OAS1: variants seen among roughly 807,000 people sequenced by gnomAD.
OAS1 encodes the protein 2'-5'-oligoadenylate synthase 1.
OAS1 carries 24 observed loss-of-function variants against 38.5 expected under a neutral mutation model. The observed-to-expected ratio is 0.62, with a 90% CI of 0.45 to 0.88. The LOEUF (loss-of-function observed/expected upper bound fraction) is 0.88, where lower values mean the gene tolerates loss of function less well. Among genes scored for constraint, OAS1 ranks in the 40% least tolerant of loss-of-function variants. The probability of loss-of-function intolerance (pLI) is 0.00; values close to 1 mark genes in which losing one functional copy is unlikely to be tolerated. For synonymous variants in OAS1, 169 were observed against 193.9 expected, an observed-to-expected ratio of 0.87 and a Z score of 1.07; for missense variants, 482 against 493.9, an observed-to-expected ratio of 0.98 and a Z score of 0.23.
At chr12:112,914,508 G>C (rs1666570875) in intron 3 of OAS1, among the ~76,000 whole-genome samples, 1 of 152,126 alleles carries the variant, frequency 6.6e-6, no homozygotes, top group Non-Finnish European at 1.5e-5. Context: ...GTTCTATAAG[G>C]AATCTCCACA....
At chr12:112,925,433 A>G (rs2043552679) in intron 6 of OAS1, among the ~76,000 whole-genome samples, 1 of 152,128 alleles carries the variant, frequency 6.6e-6, no homozygotes, top group Non-Finnish European at 1.5e-5. Context: ...AGGGCTCTGG[A>G]GTCACACTGC....
chr12:112,913,513 C>G (rs1036022572), intron 3 of OAS1, among the ~76,000 whole-genome samples: 1 of 152,134 alleles, frequency 6.6e-6, no homozygotes, highest in Non-Finnish European at 1.5e-5. Context: ...TCTTTCATAT[C>G]TCTATACTCT....
chr12:112,924,818 G>A (rs2043549072), downstream of OAS1, among the ~76,000 whole-genome samples: 1 of 152,132 alleles, frequency 6.6e-6, no homozygotes, highest in African/African-American at 2.4e-5. Context: ...CTTTTGGGAA[G>A]TATTTCTCAC....
chr12:112,931,773 G>A, intron 6 of OAS1: 1 of 556,206 alleles, frequency 1.8e-6, no homozygotes, highest in South Asian at 2.7e-5. Context: ...AGGGTCTCCT[G>A]ACTGCCAGAG....
chr12:112,918,500 A>G, intron 5 of OAS1: 1 of 366,426 alleles, frequency 2.7e-6, no homozygotes, highest in Non-Finnish European at 5.6e-6. Context: ...CTTTGGGTAG[A>G]TACCGAGTAG....
intron 2 of OAS1, among the ~76,000 whole-genome samples, chr12:112,910,459 G>A (rs1282977324): frequency 6.6e-6 from 1 of 152,160 alleles, no homozygotes; most frequent in African/African-American, 2.4e-5. Flanking sequence ...AGCCATGGGG[G>A]TTAGGGAGCT....
At chr12:112,909,277 G>A (rs757398) in intron 2 of OAS1, among the ~76,000 whole-genome samples, 12,437 of 152,182 alleles carry the variant, frequency 0.082, 1,722 homozygotes, top group African/African-American at 0.28. Flanking sequence ...AGGAGAATTG[G>A]TAAAACCACA....
chr12:112,911,009 A>G (rs769644669), intron 2 of OAS1, 42 bp from the exon 3 acceptor site: 6 of 1,569,262 alleles, frequency 3.8e-6, no homozygotes, highest in Admixed American at 1.7e-5. Context: ...AAGGAAATTC[A>G]GAGAAGAGCT....
At chr12:112,907,286 GAGA>G in intron 1 of OAS1, 67 bp downstream of exon 1, 1 of 1,338,378 alleles carries the variant, frequency 7.5e-7, no homozygotes. Context: ...TTGAGAATGA[GAGA>G]GAGAGAGAGA....
chr12:112,923,156 C>A (rs1220073542), downstream of OAS1, among the ~76,000 whole-genome samples: 7 of 152,176 alleles, frequency 4.6e-5, no homozygotes, highest in African/African-American at 1.7e-4. Flanking sequence ...TTGGTTGTTT[C>A]CACTTGATTA....
downstream of OAS1, among the ~76,000 whole-genome samples, chr12:112,922,350 G>A (rs142160249): frequency 3.1e-4 from 47 of 152,200 alleles, no homozygotes; most frequent in East Asian, 6.8e-3. Context: ...CCCCCTGGTC[G>A]TCCGGCCTTG....
intron 6 of OAS1, among the ~76,000 whole-genome samples, chr12:112,927,875 AC>A (rs1157112822): frequency 2.6e-5 from 4 of 152,182 alleles, no homozygotes; most frequent in African/African-American, 7.2e-5. Flanking sequence ...AATCCAGCAT[AC>A]TTGTAGCTTG....
chr12:112,929,534 A>G (rs1224362841), intron 6 of OAS1, among the ~76,000 whole-genome samples: 1 of 152,226 alleles, frequency 6.6e-6, no homozygotes, highest in Non-Finnish European at 1.5e-5. Flanking sequence ...AGCCTCAGGC[A>G]ATGAGATTTT....
intron 6 of OAS1, among the ~76,000 whole-genome samples, chr12:112,928,886 G>A (rs7134391): frequency 0.68 from 103,694 of 152,138 alleles, 35,629 homozygotes; most frequent in East Asian, 0.78. Context: ...CAGATGGCTA[G>A]AAGTGGCGCT....
intron 6 of OAS1, among the ~76,000 whole-genome samples, chr12:112,929,527 C>T (rs1859334): frequency 0.74 from 113,038 of 152,018 alleles, 43,315 homozygotes; most frequent in African/African-American, 0.94. Context: ...ACACAAGAGC[C>T]TCAGGCAATG....
rs577151584 is a variant in OAS1, at chr12:112,913,385, G to A, written c.654+2150G>A. Among the ~76,000 whole-genome samples, 17 of 152,158 alleles carry A rather than the reference G, an allele frequency of 1.1e-4. No individual in the cohort carries two copies. The South Asian group carries it at 3.5e-3, about 32-fold the overall frequency. ...TTCCGTTAAGATTCCTGAATCTGTG[G>A]GTAGATATCTTTAATCAGTTTTGAA... On this transcript the variant is annotated intron_variant, in intron 3 of 5. Coordinates refer to ENST00000202917, the MANE Select transcript of OAS1 (RefSeq NM_016816.4).
intron 6 of OAS1, among the ~76,000 whole-genome samples, chr12:112,925,749 G>A (rs893215703): frequency 1.1e-4 from 16 of 152,168 alleles, no homozygotes; most frequent in African/African-American, 3.9e-4. Context: ...TCAAGCCGCT[G>A]CACTCCAGCC....
In OAS1 at chr12:112,916,492, G is replaced by C. The variant is rs1350938477; in HGVS notation, c.655-17G>C. ...TGAGCAAACCAATTTTTTTCTGATT[G>C]TTTTTCCTCTTCTCAGTGTAAGAAG... On this transcript the variant is annotated splice_polypyrimidine_tract_variant and intron_variant, in intron 3 of 5. Coordinates refer to ENST00000202917, the MANE Select transcript of OAS1 (RefSeq NM_016816.4). 6.2e-7 allele frequency: 1 copy of C among 1,606,088 alleles called. No individual in the cohort carries two copies. The highest frequency in any genetic ancestry group is 2.2e-5 in the East Asian group (1 of 44,828).
chr12:112,922,803 T>C (rs1699116274), downstream of OAS1, among the ~76,000 whole-genome samples: 1 of 152,250 alleles, frequency 6.6e-6, no homozygotes, highest in African/African-American at 2.4e-5. Flanking sequence ...TTTCATACTT[T>C]TCTGCATTTC....
Sources: allele counts gnomAD v4.1 joint callset (sites outside exome capture counted in the v4.1 genomes callset), GRCh38; gene constraint gnomAD v4.1.1; transcripts MANE v1.5; gene names NCBI Gene and HGNC (gene_info 2026-07-23, HGNC 2026-07-21).